Variants in ARHGAP26 observed in about 807,000 individuals in gnomAD.
ARHGAP26 encodes the protein rho GTPase-activating protein 26.
ARHGAP26 carries 38 observed loss-of-function variants against 104.8 expected under a neutral mutation model. The ratio of observed to expected loss-of-function variants is 0.36; its 90% CI spans 0.28 to 0.48. The LOEUF (loss-of-function observed/expected upper bound fraction) is 0.48. ARHGAP26 is among the 20% of genes least tolerant of loss of function. The probability of loss-of-function intolerance (pLI) is 0.99; values close to 1 mark genes in which losing one functional copy is unlikely to be tolerated. For synonymous variants in ARHGAP26, 341 were observed against 340.0 expected, an observed-to-expected ratio of 1.00 and a Z score of -0.03; for missense variants, 704 against 947.9, an observed-to-expected ratio of 0.74 and a Z score of 3.38.
chr5:143,031,507 G>T (rs1021296751), intron 12 of ARHGAP26, among the ~76,000 whole-genome samples: 3 of 151,930 alleles, frequency 2.0e-5, no homozygotes, highest in Non-Finnish European at 4.4e-5. Flanking sequence ...GGAATGGGAG[G>T]TAAGAAGTGG....
chr5:142,958,649 A>G, intron 11 of ARHGAP26, among the ~76,000 whole-genome samples: 1 of 152,242 alleles, frequency 6.6e-6, no homozygotes, highest in South Asian at 2.1e-4. Flanking sequence ...CCTGAGCTAC[A>G]GAGCAAGACC....
chr5:143,225,438 T>G lies in ARHGAP26; in HGVS notation c.*2992T>G. On this transcript the variant is annotated 3_prime_UTR_variant, in exon 23 of 23. Transcript: ENST00000645722. ...TCCTGACCTCAAGTGATCTGCCCAC[T>G]TCAGACCCCCAAAGTGCTGGGATTC... 5.2e-6 allele frequency: 1 copy of G among 193,954 alleles called. No individual in the cohort carries two copies. Among genetic ancestry groups the G allele is most frequent in the Non-Finnish European group, 1.1e-5 (1 of 93,070 alleles). 12.0% of individuals were successfully genotyped at this position (193,954 alleles called of 1,614,324 possible). A position where few individuals can be genotyped will look rare whatever the true frequency, so the allele number is the denominator to read the frequency against.
At chr5:142,969,112 A>C (rs1383503684) in intron 11 of ARHGAP26, among the ~76,000 whole-genome samples, 1 of 151,938 alleles carries the variant, frequency 6.6e-6, no homozygotes, top group Non-Finnish European at 1.5e-5. Flanking sequence ...TATTATTATT[A>C]TTATTATTTA....
At chr5:142,903,198 C>T (rs754472675) in intron 7 of ARHGAP26, among the ~76,000 whole-genome samples, 7 of 152,174 alleles carry the variant, frequency 4.6e-5, no homozygotes, top group Non-Finnish European at 7.3e-5. Flanking sequence ...TTAAGTCATA[C>T]AGGCCCCTAG....
At chr5:143,041,721 T>TGAA (rs1783492952) in intron 13 of ARHGAP26, 95 bp from the exon 14 acceptor site, 1 of 625,760 alleles carries the variant, frequency 1.6e-6, no homozygotes, top group East Asian at 3.3e-5. Context: ...ACTGAGAAAA[T>TGAA]GAAAAAAAAA....
At chr5:143,062,780 A>T (rs1167119624) in intron 17 of ARHGAP26, among the ~76,000 whole-genome samples, 2 of 152,236 alleles carry the variant, frequency 1.3e-5, no homozygotes, top group Non-Finnish European at 2.9e-5. Flanking sequence ...AATACTTAAC[A>T]TAAGCACATT....
chr5:143,138,250 G>A (rs1798121130), intron 19 of ARHGAP26, among the ~76,000 whole-genome samples: 1 of 152,190 alleles, frequency 6.6e-6, no homozygotes, highest in Admixed American at 6.5e-5. Flanking sequence ...GCTGGGCAGG[G>A]ACTTAGGTCA....
intron 9 of ARHGAP26, among the ~76,000 whole-genome samples, chr5:142,912,410 A>C (rs1761949481): frequency 6.6e-6 from 1 of 152,206 alleles, no homozygotes. Context: ...GGGATGTACT[A>C]GGAGGAGGGA....
intron 10 of ARHGAP26, chr5:142,921,724 A>G (rs1763217770): frequency 6.3e-6 from 1 of 158,940 alleles, no homozygotes; most frequent in Non-Finnish European, 1.5e-5. Context: ...GTTCCTTACT[A>G]GCTGTGTGAC....
intron 6 of ARHGAP26, among the ~76,000 whole-genome samples, chr5:142,897,802 C>T (rs1759690024): frequency 6.6e-6 from 1 of 152,144 alleles, no homozygotes. Flanking sequence ...AAATAAGTTT[C>T]TTTACCTGTC....
In ARHGAP26 at chr5:142,948,622, C is replaced by A. The variant is rs1767541424; in HGVS notation, c.1107+16497C>A. Among the ~76,000 whole-genome samples the A allele has an allele frequency of 3.3e-5, 5 of 150,954 alleles. No individual in the cohort carries two copies. In the South Asian group the frequency reaches 1.0e-3, roughly 31 times the overall value. On this transcript the variant is annotated intron_variant, in intron 11 of 22. Coordinates refer to ENST00000645722, the MANE Select transcript of ARHGAP26 (RefSeq NM_001135608.3). ...TTGATTTTAGTCAGCCTTCCATTTC[C>A]TGAGACAATTCCTATACTTTCCTTA... is the stretch of plus-strand genomic sequence containing the variant.
intron 21 of ARHGAP26, among the ~76,000 whole-genome samples, chr5:143,211,046 C>T (rs1342517331): frequency 2.0e-5 from 3 of 152,168 alleles, no homozygotes; most frequent in Non-Finnish European, 4.4e-5. Context: ...AATACAATCT[C>T]TCTGCCAACA....
At chr5:143,083,811 C>G (rs1174083930) in intron 17 of ARHGAP26, among the ~76,000 whole-genome samples, 10 of 152,160 alleles carry the variant, frequency 6.6e-5, no homozygotes, top group South Asian at 4.2e-4. Flanking sequence ...TTTTTTATTT[C>G]TTAACTCCGA....
chr5:143,130,131 C>T (rs1424085549), intron 18 of ARHGAP26, among the ~76,000 whole-genome samples: 1 of 152,142 alleles, frequency 6.6e-6, no homozygotes, highest in Middle Eastern at 3.2e-3. Context: ...CAAGATCAGC[C>T]CAGGTTTGTC....
chr5:142,931,643 T>A lies in ARHGAP26; in HGVS notation c.1029-404T>A, dbSNP rs557620836. Among the ~76,000 whole-genome samples, 85 of 151,488 alleles carry A rather than the reference T, an allele frequency of 5.6e-4. No individual in the cohort carries two copies. The East Asian group carries it at 0.014, about 25-fold the overall frequency. On this transcript the variant is annotated intron_variant, in intron 10 of 22. Transcript: ENST00000645722. ...GTTGGATATTTTCTCCTCTTTTTTT[T>A]ATCTTGAGTCCAGTAATTCCATTCA...
chr5:142,832,748 G>A (rs1490071415), intron 1 of ARHGAP26, among the ~76,000 whole-genome samples: 2 of 152,168 alleles, frequency 1.3e-5, no homozygotes, highest in East Asian at 3.8e-4. Flanking sequence ...ATCATGAAGA[G>A]CTTATATCTT....
Position 142,770,834 on chromosome 5 carries a change from C to T in ARHGAP26, c.73C>T (p.His25Tyr), listed in dbSNP as rs143773080. ...GCACTTCCGAGAGACGCTCAAGTCG[C>T]ACGAAGCAGAGCTGGACAAGACCAA... ...SPHFRETLKS[H>Y]EAELDKTNKF... Residue 25 changes from histidine (H) to tyrosine (Y), a missense_variant, in exon 1 of 23, where the codon CAC becomes TAC. His to Tyr is a moderately conservative substitution (Grantham distance 83). Coordinates refer to ENST00000645722, the MANE Select transcript of ARHGAP26 (RefSeq NM_001135608.3). 1 of 1,610,518 alleles carries T rather than the reference C, an allele frequency of 6.2e-7. No homozygotes were observed. The highest frequency in any genetic ancestry group is 8.5e-7 in the Non-Finnish European group (1 of 1,178,356).
chr5:143,043,437 C>T (rs1351444405), intron 14 of ARHGAP26, among the ~76,000 whole-genome samples: 3 of 152,098 alleles, frequency 2.0e-5, no homozygotes, highest in South Asian at 2.1e-4. Flanking sequence ...CTTTGTCGAA[C>T]CATTCATTTA....
intron 17 of ARHGAP26, among the ~76,000 whole-genome samples, chr5:143,074,977 G>A (rs1051839833): frequency 6.6e-6 from 1 of 152,240 alleles, no homozygotes; most frequent in African/African-American, 2.4e-5. Context: ...GTGCCAAGGT[G>A]TGAGATAGGT....
Sources: gnomAD v4.1 joint callset for allele counts (sites outside exome capture counted in the v4.1 genomes callset) on GRCh38, gnomAD v4.1.1 for gene constraint, MANE v1.5 for transcripts, NCBI Gene and HGNC (gene_info 2026-07-23, HGNC 2026-07-21) for gene names.